PIP5K1B: variants seen among roughly 807,000 people sequenced by gnomAD.
PIP5K1B encodes the protein phosphatidylinositol 4-phosphate 5-kinase type-1 beta.
A neutral mutation model predicts 67.0 loss-of-function variants in PIP5K1B; 42 were observed. That is an observed-to-expected ratio of 0.63 (90% CI 0.49 to 0.81). The LOEUF is 0.81. Among genes scored for constraint, PIP5K1B ranks in the 30% least tolerant of loss-of-function variants. The pLI is 0.00. For missense variants in PIP5K1B, 459 were observed against 646.3 expected, an observed-to-expected ratio of 0.71 and a Z score of 3.14; for synonymous variants, 214 against 231.4, an observed-to-expected ratio of 0.92 and a Z score of 0.68.
At chr9:68,872,705 A>G (rs1265115372) in intron 5 of PIP5K1B, among the ~76,000 whole-genome samples, 1 of 152,100 alleles carries the variant, frequency 6.6e-6, no homozygotes, top group Non-Finnish European at 1.5e-5. Context: ...TGCCAAAAGA[A>G]TATTTGTTTT....
chr9:68,976,639 T>C (rs1003328181), intron 14 of PIP5K1B, among the ~76,000 whole-genome samples: 8 of 152,214 alleles, frequency 5.3e-5, no homozygotes, highest in Non-Finnish European at 4.4e-5. Flanking sequence ...TTCCATGGAT[T>C]GGACGGCAGA....
chr9:68,915,594 A>G (rs1038559328), intron 8 of PIP5K1B, among the ~76,000 whole-genome samples: 22 of 152,130 alleles, frequency 1.4e-4, no homozygotes, highest in Admixed American at 7.9e-4. Flanking sequence ...CAGTGGTAAG[A>G]AGGATTTCCT....
intron 9 of PIP5K1B, among the ~76,000 whole-genome samples, chr9:68,919,026 G>A (rs183548809): frequency 3.6e-4 from 54 of 151,988 alleles, no homozygotes; most frequent in African/African-American, 1.2e-3. Context: ...TTGCATCCTA[G>A]GAATAACTGT....
chr9:68,882,986 T>G (rs963337071), intron 6 of PIP5K1B, among the ~76,000 whole-genome samples: 4 of 152,170 alleles, frequency 2.6e-5, no homozygotes, highest in African/African-American at 9.7e-5. Flanking sequence ...ATGAGTATAT[T>G]GTAGGCCGTG....
intron 3 of PIP5K1B, among the ~76,000 whole-genome samples, chr9:68,819,299 G>C (rs1309240946): frequency 6.6e-6 from 1 of 152,058 alleles, no homozygotes; most frequent in Non-Finnish European, 1.5e-5. Flanking sequence ...TTTGAGACAG[G>C]CTCTTCCTTT....
chr9:68,937,292 G>T (rs560601023), intron 13 of PIP5K1B, among the ~76,000 whole-genome samples: 1 of 152,180 alleles, frequency 6.6e-6, no homozygotes, highest in Non-Finnish European at 1.5e-5. Context: ...TTCAGAACTT[G>T]TTGTTGGTTT....
intron 14 of PIP5K1B, among the ~76,000 whole-genome samples, chr9:68,957,362 C>A (rs1587719042): frequency 6.6e-6 from 1 of 152,148 alleles, no homozygotes; most frequent in East Asian, 1.9e-4. Flanking sequence ...ATGACTCTAG[C>A]TGCAAAGGAG....
chr9:68,730,260 T>C (rs189516997), intron 1 of PIP5K1B, among the ~76,000 whole-genome samples: 2 of 152,222 alleles, frequency 1.3e-5, no homozygotes, highest in Admixed American at 1.3e-4. Context: ...CAGAAGAAAA[T>C]ATAATTCACT....
chr9:68,972,728 C>CT (rs1829445598), intron 14 of PIP5K1B, among the ~76,000 whole-genome samples: 1 of 152,098 alleles, frequency 6.6e-6, no homozygotes, highest in African/African-American at 2.4e-5. Context: ...GTTGTTAAGC[C>CT]TTTACTTGTA....
chr9:68,842,616 A>C (rs1396975729), intron 4 of PIP5K1B, among the ~76,000 whole-genome samples: 1 of 152,184 alleles, frequency 6.6e-6, no homozygotes, highest in Admixed American at 6.5e-5. Flanking sequence ...TTAGTTCTCA[A>C]CCAGAGCTGA....
chr9:68,794,745 A>C (rs1366348271), intron 2 of PIP5K1B, among the ~76,000 whole-genome samples: 1 of 151,896 alleles, frequency 6.6e-6, no homozygotes, highest in African/African-American at 2.4e-5. Flanking sequence ...TTTATTCAGG[A>C]GCAGATTTTT....
At chr9:68,808,989 A>G (rs919347226) in intron 2 of PIP5K1B, among the ~76,000 whole-genome samples, 2 of 152,236 alleles carry the variant, frequency 1.3e-5, no homozygotes, top group African/African-American at 4.8e-5. Context: ...TTCTAAGCAT[A>G]CAAATGTGTA....
intron 2 of PIP5K1B, among the ~76,000 whole-genome samples, chr9:68,801,699 T>A (rs1832612594): frequency 6.6e-6 from 1 of 152,182 alleles, no homozygotes. Flanking sequence ...AAGACACACC[T>A]GAGTATGGTC....
intron 14 of PIP5K1B, among the ~76,000 whole-genome samples, chr9:68,975,405 A>G (rs1436046826): frequency 2.0e-5 from 3 of 152,236 alleles, no homozygotes; most frequent in Admixed American, 6.5e-5. Context: ...TGTAGTGTTT[A>G]GCAAGAAATA....
chr9:68,946,394 T>A (rs1360812212), intron 14 of PIP5K1B, among the ~76,000 whole-genome samples: 2 of 149,200 alleles, frequency 1.3e-5, no homozygotes, highest in Non-Finnish European at 2.9e-5. Context: ...TTTATGGTTT[T>A]TTGTTTTTTG....
chr9:68,727,502 A>G (rs1414291598), intron 1 of PIP5K1B: 1 of 152,222 alleles, frequency 6.6e-6, no homozygotes, highest in African/African-American at 2.4e-5. Context: ...GAAGTGGTCT[A>G]TGTTTAGAGT....
chr9:69,001,075 T>A (rs1036571562), intron 15 of PIP5K1B, among the ~76,000 whole-genome samples: 2 of 151,846 alleles, frequency 1.3e-5, no homozygotes, highest in African/African-American at 2.4e-5. Context: ...ATTTTTATTT[T>A]TATTTTTTTT....
intron 15 of PIP5K1B, among the ~76,000 whole-genome samples, chr9:68,997,313 T>C (rs1372005019): frequency 2.0e-5 from 3 of 152,196 alleles, no homozygotes; most frequent in African/African-American, 7.2e-5. Context: ...TCCCTCAGCG[T>C]TGAGGTTAAT....
intron 15 of PIP5K1B, among the ~76,000 whole-genome samples, chr9:68,994,037 A>ATTT (rs67700788): frequency 0.43 from 50,521 of 118,588 alleles, 11,214 homozygotes; most frequent in East Asian, 0.51. Flanking sequence ...TTTTTCCTGA[A>ATTT]TTTTTTTTTT....
Sources: allele counts gnomAD v4.1 joint callset (sites outside exome capture counted in the v4.1 genomes callset), GRCh38; gene constraint gnomAD v4.1.1; transcripts MANE v1.5; gene names NCBI Gene and HGNC (gene_info 2026-07-23, HGNC 2026-07-21).